The following DPP10 variants were observed in gnomAD, a reference collection of about 807,000 sequenced individuals.
The protein encoded by DPP10 is dipeptidyl peptidase like 10, also known as inactive dipeptidyl peptidase 10.
DPP10 carries 33 observed loss-of-function variants against 120.9 expected under a neutral mutation model. The observed-to-expected ratio is 0.27, with a 90% CI of 0.21 to 0.37. The LOEUF is 0.37. DPP10 is among the 10% of genes least tolerant of loss of function. The pLI is 1.00. For synonymous variants in DPP10, 337 were observed against 326.1 expected (o/e 1.03, Z -0.36); for missense variants, 816 against 942.8 (o/e 0.87, Z 1.76).
At chr2:115,161,526 C>G (rs1016746665) in intron 1 of DPP10, 1 of 152,544 alleles carries the variant, frequency 6.6e-6, no homozygotes, top group African/African-American at 2.4e-5. Flanking sequence ...GCGCGGCGCC[C>G]GGCTGCTCCA....
At chr2:114,996,766 G>A (rs1701110775) in intron 1 of DPP10, among the ~76,000 whole-genome samples, 1 of 151,954 alleles carries the variant, frequency 6.6e-6, no homozygotes, top group Non-Finnish European at 1.5e-5. Context: ...GGCAGATCAC[G>A]AAGTCAGGAG....
At chr2:114,526,708 G>T (rs1685529505) in intron 1 of DPP10, among the ~76,000 whole-genome samples, 2 of 152,054 alleles carry the variant, frequency 1.3e-5, no homozygotes, top group Non-Finnish European at 2.9e-5. Context: ...ATGATGGAAG[G>T]AATGAGAGAG....
At chr2:115,788,845 G>T (rs754024892) in intron 17 of DPP10, among the ~76,000 whole-genome samples, 5 of 152,068 alleles carry the variant, frequency 3.3e-5, no homozygotes, top group Non-Finnish European at 7.4e-5. Flanking sequence ...GGCCAGGCGC[G>T]GTGGCTCACG....
intron 21 of DPP10, among the ~76,000 whole-genome samples, chr2:115,828,113 G>A (rs542650353): frequency 6.6e-6 from 1 of 151,848 alleles, no homozygotes; most frequent in East Asian, 1.9e-4. Context: ...TGTCTTTATT[G>A]CACTTTAATC....
At chr2:115,714,478 A>G (rs573374978) in intron 7 of DPP10, among the ~76,000 whole-genome samples, 1 of 152,304 alleles carries the variant, frequency 6.6e-6, no homozygotes, top group South Asian at 2.1e-4. Flanking sequence ...AGAATAATCA[A>G]AGTAAACAGT....
At chr2:115,346,825 A>C (rs2063733888) in intron 3 of DPP10, among the ~76,000 whole-genome samples, 1 of 152,152 alleles carries the variant, frequency 6.6e-6, no homozygotes, top group South Asian at 2.1e-4. Flanking sequence ...TAACTCAGAA[A>C]CTTATCCGAA....
chr2:115,421,494 T>C (rs1378290329), intron 3 of DPP10, among the ~76,000 whole-genome samples: 1 of 152,120 alleles, frequency 6.6e-6, no homozygotes, highest in South Asian at 2.1e-4. Flanking sequence ...AATTTGTATC[T>C]ATTAGACTTA....
chr2:114,748,409 T>G (rs1457913109), intron 1 of DPP10, among the ~76,000 whole-genome samples: 1 of 146,626 alleles, frequency 6.8e-6, no homozygotes, highest in African/African-American at 2.5e-5. Context: ...TTTTAAATTT[T>G]TTTTTTATTA....
At chr2:114,739,586 G>A (rs1322805677) in intron 1 of DPP10, among the ~76,000 whole-genome samples, 1 of 152,118 alleles carries the variant, frequency 6.6e-6, no homozygotes, top group Non-Finnish European at 1.5e-5. Context: ...TTGAACCTGG[G>A]AGGTAGAGGT....
At chr2:115,548,743 C>T (rs981006482) in intron 5 of DPP10, among the ~76,000 whole-genome samples, 2 of 152,068 alleles carry the variant, frequency 1.3e-5, no homozygotes, top group South Asian at 2.1e-4. Flanking sequence ...ATGATATAAA[C>T]ACATGTGAAA....
intron 1 of DPP10, among the ~76,000 whole-genome samples, chr2:114,662,821 T>C (rs954542145): frequency 5.3e-5 from 8 of 152,012 alleles, no homozygotes; most frequent in African/African-American, 1.9e-4. Flanking sequence ...CAGGCCACGA[T>C]TTGAGGGCTT....
intron 5 of DPP10, among the ~76,000 whole-genome samples, chr2:115,587,089 C>CTTTTTTTTTTTTTTTTTTTTTTTTTTTT (rs756810925): frequency 8.3e-4 from 86 of 103,916 alleles, no homozygotes; most frequent in Non-Finnish European, 1.0e-3. Flanking sequence ...TTTTCTCTTT[C>CTTTTTTTTTTTTTTTTTTTTTTTTTTTT]TTTTTTTTTT....
intron 1 of DPP10, among the ~76,000 whole-genome samples, chr2:115,250,362 C>T (rs1341938376): frequency 1.3e-5 from 2 of 152,144 alleles, no homozygotes; most frequent in African/African-American, 4.8e-5. Context: ...CCTTTAGTCG[C>T]AGAAGTTAAA....
At chr2:114,545,877 C>T (rs1687351550) in intron 1 of DPP10, among the ~76,000 whole-genome samples, 1 of 152,220 alleles carries the variant, frequency 6.6e-6, no homozygotes, top group Admixed American at 6.5e-5. Context: ...TCATGTAAAA[C>T]TCTCAATGAG....
intron 3 of DPP10, among the ~76,000 whole-genome samples, chr2:115,497,116 G>C (rs1192064148): frequency 6.6e-6 from 1 of 151,946 alleles, no homozygotes; most frequent in Non-Finnish European, 1.5e-5. Flanking sequence ...CAAATCTTGT[G>C]ACCTCTGGCC....
chr2:114,482,381 AT>A (rs1681139553), intron 1 of DPP10, among the ~76,000 whole-genome samples: 1 of 152,186 alleles, frequency 6.6e-6, no homozygotes, highest in East Asian at 1.9e-4. Flanking sequence ...GTTTTGAGCT[AT>A]ATGCCTTGTA....
chr2:115,301,129 CT>C (rs2061109602), intron 1 of DPP10, among the ~76,000 whole-genome samples: 1 of 151,982 alleles, frequency 6.6e-6, no homozygotes, highest in South Asian at 2.1e-4. Context: ...TTGAAGGCTG[CT>C]TTGAAATGTT....
At position 115,385,586 on chromosome 2, in the gene DPP10, A is replaced by C. The variant is rs543241264; in HGVS notation, c.271+41674A>C. 2.0e-5 allele frequency among the ~76,000 whole-genome samples: 3 copies of C among 152,210 alleles called. No homozygotes were observed. The East Asian group carries it at 5.8e-4, about 29-fold the overall frequency. ...TGGCCAGGCTGTTCTTGAACTCCTG[A>C]CATCAGGTAATCCTCCTGCCTCAGC... is the stretch of plus-strand genomic sequence containing the variant. On this transcript the variant is annotated intron_variant, in intron 3 of 25. Coordinates refer to ENST00000410059, the MANE Select transcript of DPP10 (RefSeq NM_020868.6).
At chr2:114,600,095 G>A (rs1233944851) in intron 1 of DPP10, among the ~76,000 whole-genome samples, 3 of 151,242 alleles carry the variant, frequency 2.0e-5, no homozygotes, top group Non-Finnish European at 4.4e-5. Context: ...AAAGTTTTAA[G>A]CCACCATATC....
Sources: allele counts gnomAD v4.1 joint callset (sites outside exome capture counted in the v4.1 genomes callset), GRCh38; gene constraint gnomAD v4.1.1; transcripts MANE v1.5; gene names NCBI Gene and HGNC (gene_info 2026-07-23, HGNC 2026-07-21).